Variants in TMED5 observed in about 807,000 individuals in gnomAD.
The protein encoded by TMED5 is transmembrane p24 trafficking protein 5, also known as transmembrane emp24 domain-containing protein 5.
Under a neutral mutation model 23.0 loss-of-function variants are expected in TMED5, and 27 were observed. The observed-to-expected ratio is 1.17, with a 90% CI of 0.86 to 1.62. The LOEUF (loss-of-function observed/expected upper bound fraction) is 1.62. Among genes scored for constraint, TMED5 ranks in the 40% most tolerant of loss-of-function variants. The pLI, the probability that TMED5 is intolerant of heterozygous loss-of-function variation, is 0.00. For synonymous variants in TMED5, 97 were observed against 100.8 expected (o/e 0.96, Z 0.23); for missense variants, 248 against 273.7 (o/e 0.91, Z 0.66).
intron 1 of TMED5, among the ~76,000 whole-genome samples, chr1:93,173,940 T>C (rs1410786449): frequency 6.6e-6 from 1 of 152,002 alleles, no homozygotes; most frequent in Non-Finnish European, 1.5e-5. Flanking sequence ...AGGCATTCAA[T>C]AGAGTTACAA....
At chr1:93,155,228 TCAAAA>T (rs1648023400) in intron 3 of TMED5, among the ~76,000 whole-genome samples, 1 of 152,108 alleles carries the variant, frequency 6.6e-6, no homozygotes, top group Admixed American at 6.6e-5. Flanking sequence ...AGACCCTGTC[TCAAAA>T]AAAGTTTTTT....
chr1:93,178,348 C>A (rs1486186883), intron 1 of TMED5, among the ~76,000 whole-genome samples: 1 of 152,142 alleles, frequency 6.6e-6, no homozygotes, highest in Non-Finnish European at 1.5e-5. Context: ...TTTTTGTTCG[C>A]TTTTCTGAAA....
chr1:93,174,739 G>C (rs1648846882), intron 1 of TMED5, among the ~76,000 whole-genome samples: 1 of 152,058 alleles, frequency 6.6e-6, no homozygotes, highest in African/African-American at 2.4e-5. Context: ...AGAACACGTG[G>C]TATTTAGTTT....
intron 3 of TMED5, among the ~76,000 whole-genome samples, chr1:93,155,650 A>G (rs576694924): frequency 6.7e-6 from 1 of 148,970 alleles, no homozygotes; most frequent in African/African-American, 2.5e-5. Flanking sequence ...GGGTCTTGCT[A>G]TATTGGAGTG....
chr1:93,154,709 C>T lies in TMED5; in HGVS notation c.651G>A (p.Leu217=), dbSNP rs1278442768. The change falls in exon 4 of 4, where the codon CTG becomes CTA. Residue 217 remains leucine, a synonymous_variant. Coordinates refer to ENST00000370282, the MANE Select transcript of TMED5 (RefSeq NM_016040.5). The part of the protein sequence containing the change: ...VVVSAIQVYM[L]KSLFEDKRKS... ...TCCTCTTATCTTCAAACAGACTCTTCAGCATATAAACTTGAATGGCTGACA... is the reference window on the plus strand; with the variant it reads ...TCCTCTTATCTTCAAACAGACTCTTTAGCATATAAACTTGAATGGCTGACA... The T allele has an allele frequency of 1.9e-6, 3 of 1,613,864 alleles. No homozygotes were observed. The highest frequency in any genetic ancestry group is 4.5e-5 in the East Asian group (2 of 44,864).
intron 3 of TMED5, among the ~76,000 whole-genome samples, chr1:93,155,599 C>T (rs1648046049): frequency 6.7e-6 from 1 of 149,746 alleles, no homozygotes. Context: ...TCATTGCAAC[C>T]TGAGACTGTG....
intron 1 of TMED5, among the ~76,000 whole-genome samples, chr1:93,172,110 C>A (rs1648750978): frequency 6.6e-6 from 1 of 152,138 alleles, no homozygotes; most frequent in African/African-American, 2.4e-5. Context: ...TAAGATCACA[C>A]TTAATGGCGA....
Position 93,158,953 on chromosome 1 carries a change from A to G in TMED5, c.287+1176T>C, listed in dbSNP as rs542773830. 5.4e-5 allele frequency: 33 copies of G among 606,980 alleles called. No homozygotes were observed. In the East Asian group the frequency reaches 1.4e-3, roughly 26 times the overall value. 37.6% of individuals were successfully genotyped at this position (606,980 alleles called of 1,614,324 possible). A position where few individuals can be genotyped will look rare whatever the true frequency, so the allele number is the denominator to read the frequency against. ...ACTGACTTTTAAAATTACTATTTCT[A>G]TCTTATTTAGTAATAGCTTATGCAA... On this transcript the variant is annotated intron_variant, in intron 2 of 3. Transcript: ENST00000370282.
In TMED5 at chr1:93,155,581, A is replaced by G. The variant is rs148887591; in HGVS notation, c.472-693T>C. On this transcript the variant is annotated intron_variant, in intron 3 of 3. Transcript: ENST00000370282. ...GGGGGATGGAGTTTGCCTAGGCACA[A>G]TCTCGGCTCATTGCAACCTGAGACT... Among the ~76,000 whole-genome samples, 175 of 149,130 alleles carry G rather than the reference A, an allele frequency of 1.2e-3. 2 individuals carry two copies. The East Asian group carries it at 0.033, about 28-fold the overall frequency.
Position 93,167,564 on chromosome 1 carries a change from T to C in TMED5, c.190-7338A>G, listed in dbSNP as rs549174037. Among the ~76,000 whole-genome samples the C allele has an allele frequency of 1.6e-3, 237 of 152,356 alleles. 1 individual carries two copies. Among genetic ancestry groups the C allele is most frequent in the African/African-American group, 5.5e-3 (227 of 41,574 alleles). ...ATGTCTTTTTCAGATTGTTCACTGT[T>C]GGCATACAGAAATGCTATTGATTTT... On this transcript the variant is annotated intron_variant, in intron 1 of 3. Transcript: ENST00000370282.
At chr1:93,177,975 A>G (rs1648980825) in intron 1 of TMED5, among the ~76,000 whole-genome samples, 1 of 152,226 alleles carries the variant, frequency 6.6e-6, no homozygotes. Context: ...ATATGTGTGT[A>G]AATACTGAAG....
intron 1 of TMED5, chr1:93,161,098 T>G (rs913541196): frequency 6.6e-6 from 1 of 152,156 alleles, no homozygotes; most frequent in African/African-American, 2.4e-5. Context: ...TCTATGAAGA[T>G]GATGATGATA....
chr1:93,178,722 A>G (rs1649050287), intron 1 of TMED5, among the ~76,000 whole-genome samples: 1 of 152,144 alleles, frequency 6.6e-6, no homozygotes. Context: ...GATTTTAGAT[A>G]TTTTATTCTC....
At chr1:93,169,392 T>G (rs946822814) in intron 1 of TMED5, among the ~76,000 whole-genome samples, 21 of 152,068 alleles carry the variant, frequency 1.4e-4, no homozygotes, top group Admixed American at 1.4e-3. Flanking sequence ...TAACAAAAAT[T>G]TGTGGGATAC....
intron 1 of TMED5, among the ~76,000 whole-genome samples, chr1:93,175,488 AAAT>A (rs1285320641): frequency 6.6e-6 from 1 of 150,818 alleles, no homozygotes; most frequent in African/African-American, 2.4e-5. Context: ...ATAAAACAAA[AAAT>A]AATAAATACT....
rs571521162 is a variant in TMED5, at chr1:93,158,792, T to C, written c.287+1337A>G. The C allele has an allele frequency of 1.4e-4, 38 of 272,806 alleles. 1 individual carries two copies. In the South Asian group the frequency reaches 4.9e-3, roughly 35 times the overall value. The allele number at this position is 272,806 out of a possible 1,614,324, so 16.9% of individuals were successfully genotyped here. ...CATGTTGGCCAGGATGGTCTCAATT[T>C]CTTGACCTCGTGATCCACCCACCTT... is the stretch of plus-strand genomic sequence containing the variant. On this transcript the variant is annotated intron_variant, in intron 2 of 3. Transcript: ENST00000370282.
At chr1:93,167,101 T>C (rs909009161) in intron 1 of TMED5, among the ~76,000 whole-genome samples, 1 of 152,210 alleles carries the variant, frequency 6.6e-6, no homozygotes, top group Admixed American at 6.5e-5. Flanking sequence ...AGGTTCTCTA[T>C]TATGTTACAT....
At chr1:93,171,433 A>T (rs1429985670) in intron 1 of TMED5, among the ~76,000 whole-genome samples, 1 of 152,242 alleles carries the variant, frequency 6.6e-6, no homozygotes, top group East Asian at 1.9e-4. Flanking sequence ...ATTATTAATA[A>T]ATCTATACCC....
Position 93,159,527 on chromosome 1 carries a change from G to A in TMED5, c.287+602C>T, listed in dbSNP as rs560139912. On this transcript the variant is annotated intron_variant, in intron 2 of 3. Coordinates refer to ENST00000370282, the MANE Select transcript of TMED5 (RefSeq NM_016040.5). ...ACATACCAGTGAGATATGAAAAGAG[G>A]GAAGTGAGGTGTCAGAAGAAGAATA... Among the ~76,000 whole-genome samples, 10 of 152,252 alleles carry A rather than the reference G, an allele frequency of 6.6e-5. No individual in the cohort carries two copies. The South Asian group carries it at 1.7e-3, about 25-fold the overall frequency.
Sources: allele counts gnomAD v4.1 joint callset (sites outside exome capture counted in the v4.1 genomes callset), GRCh38; gene constraint gnomAD v4.1.1; transcripts MANE v1.5; gene names NCBI Gene and HGNC (gene_info 2026-07-23, HGNC 2026-07-21).